CDC20B: variants seen among roughly 807,000 people sequenced by gnomAD.
The protein encoded by CDC20B is cell division cycle 20B.
CDC20B carries 58 observed loss-of-function variants against 64.1 expected under a neutral mutation model. That is an observed-to-expected ratio of 0.90 (90% confidence interval 0.73 to 1.13). CDC20B has a LOEUF of 1.13. Ranked by LOEUF, CDC20B falls within the 50% of genes most tolerant of loss-of-function variation. CDC20B has a pLI of 0.00. For missense variants in CDC20B, 597 were observed against 633.0 expected, an observed-to-expected ratio of 0.94 and a Z score of 0.61; for synonymous variants, 243 against 230.6, an observed-to-expected ratio of 1.05 and a Z score of -0.49.
intron 2 of CDC20B, among the ~76,000 whole-genome samples, chr5:55,162,118 G>A (rs367578886): frequency 1.8e-4 from 27 of 150,408 alleles, no homozygotes; most frequent in African/African-American, 6.4e-4. Flanking sequence ...AAAAAAGGCC[G>A]GGCGCGGTGG....
intron 2 of CDC20B, among the ~76,000 whole-genome samples, chr5:55,158,831 G>A (rs1190503300): frequency 2.6e-5 from 4 of 152,122 alleles, no homozygotes; most frequent in Admixed American, 6.6e-5. Context: ...AGCAAAGTTA[G>A]GCCCCCTGTG....
chr5:55,127,128 T>G lies in CDC20B; in HGVS notation c.989+129A>C, dbSNP rs1742911874. On this transcript the variant is annotated intron_variant, in intron 8 of 11. Transcript: ENST00000381375. ...CCTGAGAGGGTGGGATCATACCTGA[T>G]ATTAAGTCCAATGGCCTATTTTGTT... is the stretch of plus-strand genomic sequence containing the variant. 3 of 759,172 alleles carry G rather than the reference T, an allele frequency of 4.0e-6. No individual in the cohort carries two copies. The South Asian group carries it at 5.1e-5, about 13-fold the overall frequency. 47.0% of individuals were successfully genotyped at this position (759,172 alleles called of 1,614,324 possible).
At chr5:55,157,503 T>G (rs931411966) in intron 2 of CDC20B, among the ~76,000 whole-genome samples, 3 of 152,234 alleles carry the variant, frequency 2.0e-5, no homozygotes, top group African/African-American at 7.2e-5. Flanking sequence ...TTAGGAACAT[T>G]AAATTAACAA....
intron 2 of CDC20B, among the ~76,000 whole-genome samples, chr5:55,154,294 G>T (rs1743752910): frequency 6.6e-6 from 1 of 152,070 alleles, no homozygotes; most frequent in Non-Finnish European, 1.5e-5. Flanking sequence ...GTGCAGAGGG[G>T]GAATCACTTG....
Position 55,140,429 on chromosome 5 carries a change from G to A in CDC20B, c.487-22C>T, listed in dbSNP as rs539557073. On this transcript the variant is annotated intron_variant, in intron 4 of 11. Transcript: ENST00000381375. The stretch of plus-strand genomic sequence containing the variant: ...ATTTCTGAAAATAAACACACATAAG[G>A]AGAATATTTCTTTAAAAACATACAT... The A allele has an allele frequency of 8.3e-5, 127 of 1,523,614 alleles. 1 individual carries two copies. The Middle Eastern group carries it at 2.0e-3, about 24-fold the overall frequency. The allele number at this position is 1,523,614 out of a possible 1,614,324, so 94.4% of individuals were successfully genotyped here.
At chr5:55,155,825 C>A (rs1743791775) in intron 2 of CDC20B, among the ~76,000 whole-genome samples, 2 of 152,238 alleles carry the variant, frequency 1.3e-5, no homozygotes. Flanking sequence ...TGCTGCTCTG[C>A]AGACCTCCCG....
chr5:55,140,569 A>G (rs1743303065), intron 4 of CDC20B, among the ~76,000 whole-genome samples, 162 bp from the exon 5 acceptor site: 1 of 152,222 alleles, frequency 6.6e-6, no homozygotes, highest in Admixed American at 6.5e-5. Flanking sequence ...TTTATTAACT[A>G]AACAATATAT....
At chr5:55,120,344 G>C in intron 10 of CDC20B, 81 bp downstream of exon 10, 2 of 1,505,908 alleles carry the variant, frequency 1.3e-6, no homozygotes, top group Non-Finnish European at 1.8e-6. Context: ...GAGCTTGTTG[G>C]GGGCATAGGC....
intron 6 of CDC20B, among the ~76,000 whole-genome samples, chr5:55,129,708 A>G (rs1742981372): frequency 6.6e-6 from 1 of 152,254 alleles, no homozygotes; most frequent in Non-Finnish European, 1.5e-5. Context: ...AAACATCCAT[A>G]CAAGTCTCAG....
intron 8 of CDC20B, chr5:55,126,480 A>G (rs1742896958): frequency 3.4e-6 from 1 of 297,054 alleles, no homozygotes; most frequent in Non-Finnish European, 6.5e-6. Flanking sequence ...AAAAAAAAAA[A>G]AAAAAAACAG....
intron 2 of CDC20B, among the ~76,000 whole-genome samples, chr5:55,169,155 G>A (rs895189110): frequency 6.6e-6 from 1 of 152,048 alleles, no homozygotes; most frequent in African/African-American, 2.4e-5. Context: ...TTACATGGAA[G>A]ATATACTTAA....
intron 2 of CDC20B, 125 bp from the exon 3 acceptor site, chr5:55,146,981 T>C: frequency 2.3e-6 from 1 of 427,320 alleles, no homozygotes; most frequent in Non-Finnish European, 4.0e-6. Flanking sequence ...TAATGAGATT[T>C]TTTTAATTTT....
At position 55,143,618 on chromosome 5, in the gene CDC20B, G is replaced by C; in HGVS notation, c.381C>G (p.Thr127=). The change falls in exon 4 of 12, where the codon ACC becomes ACG. Residue 127 remains threonine, a synonymous_variant. Coordinates refer to ENST00000381375, the MANE Select transcript of CDC20B (RefSeq NM_001170402.1). ...TLGSRKEQLK[T]PSKGISETSN... The stretch of plus-strand genomic sequence containing the variant: ...TTGTTTCAGAAATTCCTTTGCTGGG[G>C]GTCTTCAGTTGTTCTTTGCGGGATC... 1 of 1,603,924 alleles carries C rather than the reference G, an allele frequency of 6.2e-7. No homozygotes were observed. The highest frequency in any genetic ancestry group is 8.5e-7 in the Non-Finnish European group (1 of 1,175,244).
Position 55,113,208 on chromosome 5 carries a change from A to T in CDC20B, c.*1010T>A, listed in dbSNP as rs1742547188. ...GACTTAGCCAAAGTCTTAATATAGG[A>T]GATGAATGTGAATTAACATTCAAAA... On this transcript the variant is annotated 3_prime_UTR_variant, in exon 12 of 12. Transcript: ENST00000381375. The T allele has an allele frequency of 6.6e-6, 1 of 152,230 alleles. No homozygotes were observed. Among genetic ancestry groups the T allele is most frequent in the African/African-American group, 2.4e-5 (1 of 41,450 alleles). 9.4% of individuals were successfully genotyped at this position (152,230 alleles called of 1,614,324 possible). A position where few individuals can be genotyped will look rare whatever the true frequency, so the allele number is the denominator to read the frequency against.
intron 6 of CDC20B, among the ~76,000 whole-genome samples, chr5:55,131,154 TAACA>T (rs1202834712): frequency 1.3e-5 from 2 of 151,854 alleles, no homozygotes; most frequent in Admixed American, 1.3e-4. Flanking sequence ...CAAAAAACAA[TAACA>T]AACAAACAAA....
At chr5:55,165,432 A>G (rs1744329752) in intron 2 of CDC20B, 1 of 152,238 alleles carries the variant, frequency 6.6e-6, no homozygotes, top group African/African-American at 2.4e-5. Flanking sequence ...AAATTTGTCT[A>G]AGAAGAAAAA....
rs1561296071 is a variant in CDC20B, at chr5:55,146,633, G to A, written c.350C>T (p.Thr117Ile). ...LKTPPEKETL[T>I]LGSRKEQLKT... ...TGGCGTTTGGGGCACCTCACCTAGA[G>A]TCAAGGTCTCTTTCTCAGGCGGTGT... The change falls in exon 3 of 12, where the codon ACT becomes ATT. Residue 117 changes from threonine to isoleucine, a missense_variant. Transcript: ENST00000381375. The A allele has an allele frequency of 1.2e-6, 2 of 1,613,424 alleles. No homozygotes were observed. Among genetic ancestry groups the A allele is most frequent in the Non-Finnish European group, 1.7e-6 (2 of 1,179,408 alleles).
At chr5:55,120,388 G>A in intron 10 of CDC20B, 37 bp downstream of exon 10, 1 of 1,611,468 alleles carries the variant, frequency 6.2e-7, no homozygotes, top group Non-Finnish European at 8.5e-7. Context: ...GATTCCAGAA[G>A]ATCAAAATGA....
rs557133132 is a variant in CDC20B at position 55,116,585 on chromosome 5, A to T, written c.1460-2267T>A. 3.3e-5 allele frequency among the ~76,000 whole-genome samples: 5 copies of T among 152,340 alleles called. No individual in the cohort carries two copies. The East Asian group carries it at 9.6e-4, about 29-fold the overall frequency. On this transcript the variant is annotated intron_variant, in intron 11 of 11. Coordinates refer to ENST00000381375, the MANE Select transcript of CDC20B (RefSeq NM_001170402.1). Reference sequence around the variant, plus strand: ...CACCTCAGTCTCTCAAATAGCTGGGACTATAGAGTGTGCCACCATGTCTGG... The same window carrying T: ...CACCTCAGTCTCTCAAATAGCTGGGTCTATAGAGTGTGCCACCATGTCTGG...
Sources: allele counts gnomAD v4.1 joint callset (sites outside exome capture counted in the v4.1 genomes callset), GRCh38; gene constraint gnomAD v4.1.1; transcripts MANE v1.5; gene names NCBI Gene and HGNC (gene_info 2026-07-23, HGNC 2026-07-21).